Variants in TNPO1 observed in about 807,000 individuals in gnomAD.
TNPO1 encodes the protein transportin-1.
Under a neutral mutation model 119.5 loss-of-function variants are expected in TNPO1, and 8 were observed. The ratio of observed to expected loss-of-function variants is 0.07; its 90% CI spans 0.04 to 0.12. The LOEUF (loss-of-function observed/expected upper bound fraction) is 0.12, where lower values mean the gene tolerates loss of function less well. TNPO1 is among the 10% of genes least tolerant of loss of function. TNPO1 has a pLI of 1.00. For missense variants in TNPO1, 576 were observed against 1,089.8 expected, an observed-to-expected ratio of 0.53 and a Z score of 6.64; for synonymous variants, 362 against 363.0, an observed-to-expected ratio of 1.00 and a Z score of 0.03.
intron 24 of TNPO1, among the ~76,000 whole-genome samples, chr5:72,906,905 G>A (rs1385369321): frequency 2.0e-5 from 3 of 152,180 alleles, no homozygotes. Flanking sequence ...TATCTGACTG[G>A]AAGCCAGAAG....
At chr5:72,876,230 A>G (rs1167539097) in intron 8 of TNPO1, among the ~76,000 whole-genome samples, 2 of 152,154 alleles carry the variant, frequency 1.3e-5, no homozygotes, top group East Asian at 3.8e-4. Context: ...CTTCCACAAT[A>G]CTCAGTAGCA....
chr5:72,820,010 C>T (rs948479898), intron 1 of TNPO1, among the ~76,000 whole-genome samples: 5 of 152,298 alleles, frequency 3.3e-5, no homozygotes, highest in South Asian at 2.1e-4. Flanking sequence ...ATCAGTACTA[C>T]GTAGTAACTA....
Position 72,893,192 on chromosome 5 carries a change from A to G in TNPO1, c.1842A>G (p.Glu614=), listed in dbSNP as rs1475110113. ...ALQSGFLPYC[E]PVYQRCVNLV... ...AGTCTGGATTCCTTCCGTACTGTGA[A>G]CCTGTGTATCAGCGTTGTGTAAACC... The change falls in exon 16 of 25, where the codon GAA becomes GAG. Residue 614 remains glutamate (E), a synonymous_variant. Transcript: ENST00000337273. 1.2e-6 allele frequency: 2 copies of G among 1,614,164 alleles called. No homozygotes were observed. The highest frequency in any genetic ancestry group is 4.5e-5 in the East Asian group (2 of 44,880).
At chr5:72,871,510 C>G (rs924453385) in intron 6 of TNPO1, among the ~76,000 whole-genome samples, 9 of 152,000 alleles carry the variant, frequency 5.9e-5, no homozygotes, top group African/African-American at 2.2e-4. Context: ...GGAGACAGGA[C>G]AGATAATGAA....
At chr5:72,876,273 G>T (rs926167492) in intron 8 of TNPO1, among the ~76,000 whole-genome samples, 3 of 152,124 alleles carry the variant, frequency 2.0e-5, no homozygotes, top group African/African-American at 7.2e-5. Flanking sequence ...ATGTAATAGG[G>T]GTTGGCCTAT....
At position 72,879,786 on chromosome 5, in the gene TNPO1, CTATT is replaced by C. The variant is rs1242167407; in HGVS notation, c.920+2445_920+2448del. On this transcript the variant is annotated intron_variant, in intron 9 of 24. Coordinates refer to ENST00000337273, the MANE Select transcript of TNPO1 (RefSeq NM_002270.4). ...AGCACAGTGAAATAACTTGTTTTTC[CTATT>C]TATTAACCACACTTGCCTAGTATAA... Among the ~76,000 whole-genome samples the C allele has an allele frequency of 7.9e-5, 12 of 152,126 alleles. 1 individual carries two copies. In the South Asian group the frequency reaches 1.7e-3, roughly 21 times the overall value.
chr5:72,888,615 C>T (rs148067426), intron 13 of TNPO1, among the ~76,000 whole-genome samples: 130 of 152,328 alleles, frequency 8.5e-4, no homozygotes, highest in Non-Finnish European at 1.4e-3. Flanking sequence ...TTCTTTGGCT[C>T]ATTTTTCCCA....
chr5:72,887,445 T>G (rs1748732361), intron 12 of TNPO1, among the ~76,000 whole-genome samples: 1 of 152,170 alleles, frequency 6.6e-6, no homozygotes, highest in Non-Finnish European at 1.5e-5. Context: ...ATCTCAGCAC[T>G]TTGGGAGGCT....
At chr5:72,897,811 A>G (rs2112478447) in intron 20 of TNPO1, among the ~76,000 whole-genome samples, 1 of 152,156 alleles carries the variant, frequency 6.6e-6, no homozygotes, top group African/African-American at 2.4e-5. Context: ...TCATTCAGGC[A>G]CATTCCTTTC....
chr5:72,833,565 C>T (rs1744569363), intron 1 of TNPO1, among the ~76,000 whole-genome samples: 1 of 152,168 alleles, frequency 6.6e-6, no homozygotes, highest in Non-Finnish European at 1.5e-5. Flanking sequence ...AATGAATGGA[C>T]ATGATATTCA....
chr5:72,874,000 G>C (rs1056338565), intron 7 of TNPO1, among the ~76,000 whole-genome samples: 7 of 151,972 alleles, frequency 4.6e-5, no homozygotes, highest in African/African-American at 1.7e-4. Context: ...AGACATACCA[G>C]CACCTTATAA....
chr5:72,830,806 T>G (rs1744422650), intron 1 of TNPO1, among the ~76,000 whole-genome samples: 1 of 152,180 alleles, frequency 6.6e-6, no homozygotes, highest in Non-Finnish European at 1.5e-5. Flanking sequence ...AGGACAAGTT[T>G]ATAATAAATG....
intron 1 of TNPO1, 85 bp downstream of exon 1, chr5:72,816,837 G>A: frequency 6.8e-7 from 1 of 1,470,414 alleles, no homozygotes; most frequent in East Asian, 2.7e-5. Context: ...GCGCCTACGG[G>A]AGAGACGCCG....
At position 72,912,314 on chromosome 5, in the gene TNPO1, C is replaced by G. The variant is rs977397132; in HGVS notation, c.*3641C>G. ...AACACTGTGATTTTTTTGGTTAAGA[C>G]TTTTTCATTGATCTGAATTGCTTAA... On this transcript the variant is annotated 3_prime_UTR_variant, in exon 25 of 25. Transcript: ENST00000337273. 1.3e-5 allele frequency: 2 copies of G among 152,368 alleles called. No homozygotes were observed. Among genetic ancestry groups the G allele is most frequent in the East Asian group, 1.9e-4 (1 of 5,200 alleles). 9.4% of individuals were successfully genotyped at this position (152,368 alleles called of 1,614,324 possible). A position where few individuals can be genotyped will look rare whatever the true frequency, so the allele number is the denominator to read the frequency against.
intron 4 of TNPO1, among the ~76,000 whole-genome samples, chr5:72,860,914 ATT>A (rs61301093): frequency 2.8e-5 from 4 of 144,244 alleles, no homozygotes; most frequent in Non-Finnish European, 3.1e-5. Context: ...ATAAATTAGA[ATT>A]TTTTTTTTTT....
At chr5:72,854,303 A>G (rs966944889) in intron 3 of TNPO1, among the ~76,000 whole-genome samples, 1 of 152,196 alleles carries the variant, frequency 6.6e-6, no homozygotes, top group African/African-American at 2.4e-5. Context: ...GATGACATAC[A>G]AGGTTTTATA....
At chr5:72,854,521 C>T (rs1463493553) in intron 3 of TNPO1, among the ~76,000 whole-genome samples, 1 of 152,162 alleles carries the variant, frequency 6.6e-6, no homozygotes, top group Non-Finnish European at 1.5e-5. Context: ...AGCTCTTCAT[C>T]TTATAGCCCT....
intron 8 of TNPO1, 41 bp downstream of exon 8, chr5:72,875,778 C>A: frequency 6.4e-7 from 1 of 1,573,706 alleles, no homozygotes; most frequent in South Asian, 1.1e-5. Context: ...CATCTTTCCC[C>A]TAAGAGAAAT....
chr5:72,847,399 A>G (rs916477135), intron 1 of TNPO1, among the ~76,000 whole-genome samples: 1 of 152,222 alleles, frequency 6.6e-6, no homozygotes, highest in Non-Finnish European at 1.5e-5. Flanking sequence ...GATGCAACTC[A>G]TAGTAGCTTT....
Sources: gnomAD v4.1 joint callset for allele counts (sites outside exome capture counted in the v4.1 genomes callset) on GRCh38, gnomAD v4.1.1 for gene constraint, MANE v1.5 for transcripts, NCBI Gene and HGNC (gene_info 2026-07-23, HGNC 2026-07-21) for gene names.